Variants in GSDME observed in about 807,000 individuals in gnomAD.
GSDME encodes gasdermin-E.
GSDME carries 44 observed loss-of-function variants against 47.5 expected under a neutral mutation model. The ratio of observed to expected loss-of-function variants is 0.93; its 90% confidence interval spans 0.73 to 1.19. The LOEUF is 1.19. Ranked by LOEUF, GSDME falls within the 50% of genes most tolerant of loss-of-function variation. GSDME has a pLI of 0.00. For synonymous variants in GSDME, 258 were observed against 252.8 expected (o/e 1.02, Z -0.20); for missense variants, 663 against 604.2 (o/e 1.10, Z -1.02).
At chr7:24,784,732 G>A in the GSDME span, among the ~76,000 whole-genome samples, 3 of 138,996 alleles carry the variant, frequency 2.2e-5, no homozygotes, top group African/African-American at 8.1e-5. Flanking sequence ...GCTAATTTTT[G>A]TATTTTTAGT....
At chr7:24,729,762 T>C (rs1017392975) in intron 3 of GSDME, among the ~76,000 whole-genome samples, 1 of 152,116 alleles carries the variant, frequency 6.6e-6, no homozygotes, top group Non-Finnish European at 1.5e-5. Flanking sequence ...AGGCTAGAGA[T>C]TGAAAGCATG....
At chr7:24,773,260 G>T in the GSDME span, among the ~76,000 whole-genome samples, 1 of 152,144 alleles carries the variant, frequency 6.6e-6, no homozygotes, top group Non-Finnish European at 1.5e-5. This position sits in a 1 kb window ranked among gnomAD's most constrained non-coding sequence, Gnocchi z 5.4. Context: ...CTCTTACATG[G>T]CTGTTTAAAT....
intron 2 of GSDME, among the ~76,000 whole-genome samples, chr7:24,749,083 A>G (rs1473145785): frequency 6.6e-6 from 1 of 152,194 alleles, no homozygotes; most frequent in Non-Finnish European, 1.5e-5. Flanking sequence ...GTTAAGCTAT[A>G]ATGTGTCACG....
At chr7:24,750,315 T>C (rs931922737) in intron 1 of GSDME, among the ~76,000 whole-genome samples, 15 of 152,328 alleles carry the variant, frequency 9.8e-5, no homozygotes, top group South Asian at 8.3e-4. Context: ...AATACAATTT[T>C]ATCAAGAATC....
chr7:24,715,029 TGAA>T (rs1000786107), intron 5 of GSDME, among the ~76,000 whole-genome samples: 3 of 152,314 alleles, frequency 2.0e-5, no homozygotes, highest in African/African-American at 4.8e-5. Context: ...TTTTTGGCCA[TGAA>T]GAAGAAGGAA....
chr7:24,716,116 G>T lies in GSDME; in HGVS notation c.697+1138C>A, dbSNP rs146148348. On this transcript the variant is annotated intron_variant, in intron 5 of 9. Coordinates refer to ENST00000645220, the MANE Select transcript of GSDME (RefSeq NM_001127453.2). The surrounding 1 kb of genome is among the most constrained non-coding windows in gnomAD (Gnocchi z 4.5). Reference sequence around the variant, plus strand: ...TGCCCCCCACCCGCCTTCCACAAATGGGGGAGAAGCAGGAGGCAGCAGCAG... The same window carrying T: ...TGCCCCCCACCCGCCTTCCACAAATTGGGGAGAAGCAGGAGGCAGCAGCAG... Among the ~76,000 whole-genome samples, 1 of 152,220 alleles carries T rather than the reference G, an allele frequency of 6.6e-6. No homozygotes were observed. Among genetic ancestry groups the T allele is most frequent in the Non-Finnish European group, 1.5e-5 (1 of 68,042 alleles).
At chr7:24,766,192 T>TGC in the GSDME span, among the ~76,000 whole-genome samples, 1 of 147,824 alleles carries the variant, frequency 6.8e-6, no homozygotes, top group East Asian at 2.0e-4. This position sits in a 1 kb window ranked among gnomAD's most constrained non-coding sequence, Gnocchi z 4.2. Context: ...TTTGTGTGTG[T>TGC]GTGTGTGTGT....
chr7:24,789,796 C>G, the GSDME span, among the ~76,000 whole-genome samples: 1 of 152,208 alleles, frequency 6.6e-6, no homozygotes, highest in Non-Finnish European at 1.5e-5. Context: ...CACTTTCATT[C>G]TCACTACCCA....
the GSDME span, among the ~76,000 whole-genome samples, chr7:24,774,894 A>T: frequency 6.6e-6 from 1 of 152,160 alleles, no homozygotes; most frequent in Admixed American, 6.5e-5. Flanking sequence ...TTTCATTTAC[A>T]CAAATACTAC....
rs1390377572 is a variant in GSDME at position 24,739,762 on chromosome 7, A to T, written c.404+4800T>A. Among the ~76,000 whole-genome samples the T allele has an allele frequency of 2.6e-5, 4 of 152,178 alleles. No individual in the cohort carries two copies. The highest frequency in any genetic ancestry group is 4.4e-5 in the Non-Finnish European group (3 of 68,024). On this transcript the variant is annotated intron_variant, in intron 3 of 9. Transcript: ENST00000645220. The surrounding 1 kb of genome is among the most constrained non-coding windows in gnomAD (Gnocchi z 5.1). The stretch of plus-strand genomic sequence containing the variant: ...ATAGATGAATAAAGAAAATGTGGTA[A>T]ATATACACGATAGAGTACTATTTAG...
chr7:24,764,799 A>T, the GSDME span, among the ~76,000 whole-genome samples: 33 of 152,360 alleles, frequency 2.2e-4, no homozygotes, highest in Non-Finnish European at 5.9e-5. The surrounding 1 kb of genome is among the most constrained non-coding windows in gnomAD (Gnocchi z 4.4). Context: ...CTGTGATTAG[A>T]TATACCAGCA....
intron 3 of GSDME, among the ~76,000 whole-genome samples, chr7:24,737,768 C>T (rs1790356166): frequency 6.6e-6 from 1 of 151,584 alleles, no homozygotes. Context: ...TTCCACAATA[C>T]ATTAAAAAGA....
chr7:24,702,904 G>A, intron 8 of GSDME, 71 bp from the exon 9 acceptor site: 4 of 1,322,208 alleles, frequency 3.0e-6, no homozygotes, highest in Admixed American at 3.4e-5. Flanking sequence ...GCCCCTGGAT[G>A]GCACCTAACT....
Position 24,732,918 on chromosome 7 carries a change from C to G in GSDME, c.404+11644G>C, listed in dbSNP as rs1025272689. 6.6e-6 allele frequency among the ~76,000 whole-genome samples: 1 copy of G among 152,140 alleles called. No individual in the cohort carries two copies. The highest frequency in any genetic ancestry group is 2.4e-5 in the African/African-American group (1 of 41,420). On this transcript the variant is annotated intron_variant, in intron 3 of 9. Coordinates refer to ENST00000645220, the MANE Select transcript of GSDME (RefSeq NM_001127453.2). The surrounding 1 kb of genome is among the most constrained non-coding windows in gnomAD (Gnocchi z 4.8). ...CCAGTGGATTTGGGGGGTGGGTACACAACCTACTGAGACACCAGCCAGGGT... is the reference window on the plus strand; with the variant it reads ...CCAGTGGATTTGGGGGGTGGGTACAGAACCTACTGAGACACCAGCCAGGGT...
At chr7:24,765,111 C>T in the GSDME span, among the ~76,000 whole-genome samples, 1 of 152,164 alleles carries the variant, frequency 6.6e-6, no homozygotes, top group Non-Finnish European at 1.5e-5. Flanking sequence ...TCTCACCTCT[C>T]CTTGCTCACC....
At chr7:24,713,758 C>T (rs972033303) in intron 5 of GSDME, among the ~76,000 whole-genome samples, 1 of 152,234 alleles carries the variant, frequency 6.6e-6, no homozygotes, top group African/African-American at 2.4e-5. Context: ...AAAACAATCC[C>T]ATTAGCTACA....
At chr7:24,793,822 G>C in the GSDME span, among the ~76,000 whole-genome samples, 1 of 149,862 alleles carries the variant, frequency 6.7e-6, no homozygotes, top group South Asian at 2.1e-4. Context: ...TTCTGAACTG[G>C]TGAGGTGTGC....
At chr7:24,790,656 G>T in the GSDME span, among the ~76,000 whole-genome samples, 1 of 152,142 alleles carries the variant, frequency 6.6e-6, no homozygotes, top group African/African-American at 2.4e-5. This position sits in a 1 kb window ranked among gnomAD's most constrained non-coding sequence, Gnocchi z 4.1. Context: ...ATTCTTTTTA[G>T]TATGGTTTAG....
intron 3 of GSDME, among the ~76,000 whole-genome samples, chr7:24,731,009 G>A (rs1242057195): frequency 2.6e-5 from 4 of 152,136 alleles, no homozygotes; most frequent in African/African-American, 9.7e-5. Flanking sequence ...ACCAAGACCA[G>A]GAGACAGAAT....
Sources: gnomAD v4.1 joint callset for allele counts (sites outside exome capture counted in the v4.1 genomes callset) on GRCh38, gnomAD v4.1.1 for gene constraint, Gnocchi (gnomAD v3.1) non-coding constraint, MANE v1.5 for transcripts, NCBI Gene and HGNC (gene_info 2026-07-23, HGNC 2026-07-21) for gene names.